The following XKR4 variants were observed in gnomAD, a reference collection of about 807,000 sequenced individuals.
The protein encoded by XKR4 is XK-related protein 4.
Under a neutral mutation model 53.9 loss-of-function variants are expected in XKR4, and 12 were observed. The observed-to-expected ratio is 0.22, with a 90% confidence interval of 0.14 to 0.36. The LOEUF (loss-of-function observed/expected upper bound fraction) is 0.36, where lower values mean the gene tolerates loss of function less well. Ranked by LOEUF, XKR4 falls within the 10% of genes least tolerant of loss-of-function variation. The probability of loss-of-function intolerance (pLI) is 1.00; values close to 1 mark genes in which losing one functional copy is unlikely to be tolerated. For synonymous variants in XKR4, 354 were observed against 362.4 expected (o/e 0.98, Z 0.26); for missense variants, 799 against 859.5 (o/e 0.93, Z 0.88).
chr8:55,456,694 G>A (rs1368754846), intron 2 of XKR4, among the ~76,000 whole-genome samples: 3 of 152,180 alleles, frequency 2.0e-5, no homozygotes, highest in Non-Finnish European at 4.4e-5. Flanking sequence ...GAAAGAAGCA[G>A]TAAACTGAAA....
intron 2 of XKR4, among the ~76,000 whole-genome samples, chr8:55,481,536 A>T (rs573635560): frequency 6.6e-6 from 1 of 152,218 alleles, no homozygotes; most frequent in Non-Finnish European, 1.5e-5. Flanking sequence ...AAAAGCCAAA[A>T]TTGACAATGG....
intron 1 of XKR4, among the ~76,000 whole-genome samples, chr8:55,130,888 G>A (rs946728257): frequency 1.1e-4 from 17 of 152,046 alleles, no homozygotes; most frequent in African/African-American, 2.9e-4. Flanking sequence ...AGACTCTTGC[G>A]GTGGCTCACG....
intron 1 of XKR4, among the ~76,000 whole-genome samples, chr8:55,251,286 C>A (rs1319648403): frequency 6.6e-6 from 1 of 152,188 alleles, no homozygotes; most frequent in African/African-American, 2.4e-5. Context: ...TATTACTTTT[C>A]AGGTGTCATC....
At chr8:55,418,793 C>G (rs977880924) in intron 2 of XKR4, among the ~76,000 whole-genome samples, 1 of 152,190 alleles carries the variant, frequency 6.6e-6, no homozygotes, top group Non-Finnish European at 1.5e-5. Flanking sequence ...CTGTCCAGCT[C>G]CTGCCCTTTT....
At chr8:55,193,188 A>C (rs1817466137) in intron 1 of XKR4, among the ~76,000 whole-genome samples, 1 of 152,060 alleles carries the variant, frequency 6.6e-6, no homozygotes, top group African/African-American at 2.4e-5. Context: ...GCCTGAGAAG[A>C]ATGATTTGCT....
rs1281582701 is a variant in XKR4, at chr8:55,526,692, A to G, written c.*2465A>G. ...ATTCTATGAGTAAATCACAGATTAC[A>G]GTCTAATAGAGTCAATCAATCAACA... On this transcript the variant is annotated 3_prime_UTR_variant, in exon 3 of 3. Transcript: ENST00000327381. 6.6e-6 allele frequency: 1 copy of G among 152,216 alleles called. No homozygotes were observed. The highest frequency in any genetic ancestry group is 2.4e-5 in the African/African-American group (1 of 41,450). The allele number at this position is 152,216 out of a possible 1,614,324, so 9.4% of individuals were successfully genotyped here.
intron 1 of XKR4, among the ~76,000 whole-genome samples, chr8:55,128,780 T>C (rs1297132489): frequency 6.6e-6 from 1 of 152,210 alleles, no homozygotes; most frequent in South Asian, 2.1e-4. Flanking sequence ...AGAAAGCTTA[T>C]GGGAGGTTTC....
chr8:55,324,978 T>C (rs1044112984), intron 1 of XKR4, among the ~76,000 whole-genome samples: 2 of 150,914 alleles, frequency 1.3e-5, no homozygotes, highest in Non-Finnish European at 2.9e-5. Context: ...TTAATGTATA[T>C]CTAATTCATT....
intron 1 of XKR4, among the ~76,000 whole-genome samples, chr8:55,339,833 G>A (rs1803514962): frequency 1.3e-5 from 2 of 152,058 alleles, no homozygotes; most frequent in African/African-American, 2.4e-5. Context: ...AAAGAATATA[G>A]GAATGTGTTA....
At chr8:55,433,862 C>CA (rs1344248748) in intron 2 of XKR4, among the ~76,000 whole-genome samples, 1 of 151,874 alleles carries the variant, frequency 6.6e-6, no homozygotes, top group Non-Finnish European at 1.5e-5. Flanking sequence ...CCCATCTCTA[C>CA]AAAAAATTAA....
intron 1 of XKR4, among the ~76,000 whole-genome samples, chr8:55,322,072 C>G (rs927458225): frequency 2.0e-5 from 3 of 152,200 alleles, no homozygotes; most frequent in Non-Finnish European, 4.4e-5. Context: ...TTCCACCTTG[C>G]TTGTCTCCTC....
At chr8:55,190,793 G>A (rs953480408) in intron 1 of XKR4, among the ~76,000 whole-genome samples, 19 of 152,166 alleles carry the variant, frequency 1.2e-4, no homozygotes, top group African/African-American at 3.9e-4. Flanking sequence ...GAGGGCCTCC[G>A]CTTTATGGAA....
At chr8:55,449,781 C>T (rs1382901967) in intron 2 of XKR4, 2 of 1,184,464 alleles carry the variant, frequency 1.7e-6, no homozygotes, top group African/African-American at 1.5e-5. Flanking sequence ...AACCAGCGGG[C>T]CTTCCAGGGC....
intron 1 of XKR4, among the ~76,000 whole-genome samples, chr8:55,110,884 A>G (rs1198644683): frequency 6.6e-6 from 1 of 152,172 alleles, no homozygotes; most frequent in Non-Finnish European, 1.5e-5. Flanking sequence ...TCTTATCATC[A>G]TAAAACATCA....
chr8:55,304,114 C>T (rs1231930116), intron 1 of XKR4, among the ~76,000 whole-genome samples: 1 of 152,090 alleles, frequency 6.6e-6, no homozygotes, highest in African/African-American at 2.4e-5. Context: ...TGGATCTTTC[C>T]TGCTTTCTCT....
chr8:55,215,735 C>A (rs1438250052), intron 1 of XKR4, among the ~76,000 whole-genome samples: 1 of 152,254 alleles, frequency 6.6e-6, no homozygotes, highest in East Asian at 1.9e-4. Context: ...GAAACTAGGA[C>A]AAGAACATAT....
chr8:55,457,381 A>G (rs1805586637), intron 2 of XKR4, among the ~76,000 whole-genome samples: 1 of 152,106 alleles, frequency 6.6e-6, no homozygotes, highest in Non-Finnish European at 1.5e-5. Context: ...TGACCTTGTG[A>G]TCTGCCCGCT....
intron 1 of XKR4, among the ~76,000 whole-genome samples, chr8:55,342,749 C>T (rs1384036132): frequency 6.6e-6 from 1 of 152,206 alleles, no homozygotes; most frequent in Non-Finnish European, 1.5e-5. Context: ...TATTTCCCTG[C>T]CACACATCTG....
At chr8:55,181,196 A>G (rs1208708416) in intron 1 of XKR4, among the ~76,000 whole-genome samples, 1 of 152,162 alleles carries the variant, frequency 6.6e-6, no homozygotes, top group East Asian at 1.9e-4. Context: ...AATGTCAAAT[A>G]AGCATCTAGA....
Sources: allele counts gnomAD v4.1 joint callset (sites outside exome capture counted in the v4.1 genomes callset), GRCh38; gene constraint gnomAD v4.1.1; transcripts MANE v1.5; gene names NCBI Gene and HGNC (gene_info 2026-07-23, HGNC 2026-07-21).